Variants in CREBL2 observed in about 807,000 individuals in gnomAD.
The protein encoded by CREBL2 is cAMP responsive element binding protein like 2.
A neutral mutation model predicts 19.5 loss-of-function variants in CREBL2; 4 were observed. The ratio of observed to expected loss-of-function variants is 0.20; its 90% CI spans 0.10 to 0.47. The LOEUF (loss-of-function observed/expected upper bound fraction) is 0.47, where lower values mean the gene tolerates loss of function less well. CREBL2 is among the 20% of genes least tolerant of loss of function. CREBL2 has a pLI of 0.98. For missense variants in CREBL2, 85 were observed against 145.1 expected (o/e 0.59, Z 2.13); for synonymous variants, 42 against 46.6 (o/e 0.90, Z 0.40).
At chr12:12,618,263 C>T (rs75873714) in intron 1 of CREBL2, among the ~76,000 whole-genome samples, 47,695 of 149,936 alleles carry the variant, frequency 0.32, 7,665 homozygotes, top group East Asian at 0.4. Flanking sequence ...AGACGCTCCT[C>T]ACTTCCCAGA....
At position 12,621,505 on chromosome 12, in the gene CREBL2, C is replaced by T. The variant is rs1465508423; in HGVS notation, c.15+9318C>T. On this transcript the variant is annotated intron_variant, in intron 1 of 3. Transcript: ENST00000228865. ...TGCACTCCAGCCTGGGCAACAAGAGCAAAACTCCGTCTCAAACCAAAAAAA... is the reference window on the plus strand; with the variant it reads ...TGCACTCCAGCCTGGGCAACAAGAGTAAAACTCCGTCTCAAACCAAAAAAA... Among the ~76,000 whole-genome samples, 6 of 90,382 alleles carry T rather than the reference C, an allele frequency of 6.6e-5. No individual in the cohort carries two copies. The Admixed American group carries it at 7.6e-4, about 11-fold the overall frequency. The allele number at this position is 90,382 out of a possible 152,430, so 59.3% of individuals were successfully genotyped here.
rs1208788063 is a variant in CREBL2 at position 12,642,373 on chromosome 12, G to T, written c.*375G>T. 1 of 167,280 alleles carries T rather than the reference G, an allele frequency of 6.0e-6. No individual in the cohort carries two copies. Among genetic ancestry groups the T allele is most frequent in the African/African-American group, 2.4e-5 (1 of 42,082 alleles). 10.4% of individuals were successfully genotyped at this position (167,280 alleles called of 1,614,324 possible). A position where few individuals can be genotyped will look rare whatever the true frequency, so the allele number is the denominator to read the frequency against. On this transcript the variant is annotated 3_prime_UTR_variant, in exon 4 of 4. Coordinates refer to ENST00000228865, the MANE Select transcript of CREBL2 (RefSeq NM_001310.4). Reference sequence around the variant, plus strand: ...ATGTAATTCATGTAATTGTATGTCTGTGTGTGTTTTATGTGTCACCACCTT... The same window carrying T: ...ATGTAATTCATGTAATTGTATGTCTTTGTGTGTTTTATGTGTCACCACCTT...
intron 1 of CREBL2, among the ~76,000 whole-genome samples, chr12:12,620,859 A>G (rs1945353527): frequency 6.6e-6 from 1 of 152,222 alleles, no homozygotes; most frequent in Non-Finnish European, 1.5e-5. Flanking sequence ...GCAGACAAAT[A>G]GAAAAGTAAT....
At position 12,642,038 on chromosome 12, in the gene CREBL2, C is replaced by G. The variant is rs758113879; in HGVS notation, c.*40C>G. ...TGAGTCAGTGATTGAAGCCAATATT[C>G]TGATTCCCATGGAAGATGGATGGGC... On this transcript the variant is annotated 3_prime_UTR_variant, in exon 4 of 4. Coordinates refer to ENST00000228865, the MANE Select transcript of CREBL2 (RefSeq NM_001310.4). 1 of 1,527,220 alleles carries G rather than the reference C, an allele frequency of 6.5e-7. No homozygotes were observed. The highest frequency in any genetic ancestry group is 9.0e-7 in the Non-Finnish European group (1 of 1,111,394). 94.6% of individuals were successfully genotyped at this position (1,527,220 alleles called of 1,614,324 possible). A position where few individuals can be genotyped will look rare whatever the true frequency, so the allele number is the denominator to read the frequency against.
At chr12:12,621,523 C>CAAAAAAAA (rs61201510) in intron 1 of CREBL2, among the ~76,000 whole-genome samples, 2 of 64,888 alleles carry the variant, frequency 3.1e-5, no homozygotes, top group Non-Finnish European at 6.6e-5. Context: ...CGTCTCAAAC[C>CAAAAAAAA]AAAAAAAAAA....
Position 12,612,204 on chromosome 12 carries a change from G to T in CREBL2, c.15+17G>T, listed in dbSNP as rs192915069. 62 of 1,613,446 alleles carry T rather than the reference G, an allele frequency of 3.8e-5. 1 individual carries two copies. The East Asian group carries it at 1.4e-3, about 35-fold the overall frequency. ...GACAGTAAGGTAAGTCTTGTGGTTTGCACGCGCCGCCGCCTTCTTGTCGCT... is the reference window on the plus strand; with the variant it reads ...GACAGTAAGGTAAGTCTTGTGGTTTTCACGCGCCGCCGCCTTCTTGTCGCT... On this transcript the variant is annotated intron_variant, in intron 1 of 3. Coordinates refer to ENST00000228865, the MANE Select transcript of CREBL2 (RefSeq NM_001310.4).
At chr12:12,616,506 GTC>G (rs1352339382) in intron 1 of CREBL2, among the ~76,000 whole-genome samples, 1 of 152,164 alleles carries the variant, frequency 6.6e-6, no homozygotes, top group East Asian at 1.9e-4. Context: ...TCATTTAAAT[GTC>G]TCTGGATGGA....
At chr12:12,630,375 T>A (rs919592253) in intron 1 of CREBL2, among the ~76,000 whole-genome samples, 1 of 152,144 alleles carries the variant, frequency 6.6e-6, no homozygotes, top group African/African-American at 2.4e-5. Flanking sequence ...GGTTATCTAG[T>A]TTTTTTGGCA....
chr12:12,634,930 A>T (rs1945463407), intron 1 of CREBL2, among the ~76,000 whole-genome samples: 1 of 149,906 alleles, frequency 6.7e-6, no homozygotes, highest in South Asian at 2.1e-4. Context: ...AGGCATGGTG[A>T]TGCTCACCTG....
chr12:12,627,945 T>C (rs1945415028), intron 1 of CREBL2, among the ~76,000 whole-genome samples: 1 of 152,148 alleles, frequency 6.6e-6, no homozygotes, highest in Non-Finnish European at 1.5e-5. Context: ...AGTGGTGCAA[T>C]CTCGGCTCAC....
chr12:12,637,382 C>T (rs1945482875), intron 2 of CREBL2, among the ~76,000 whole-genome samples, 188 bp from the exon 3 acceptor site: 2 of 152,204 alleles, frequency 1.3e-5, no homozygotes, highest in African/African-American at 4.8e-5. Context: ...TGGCAGATCT[C>T]GTACATGTCC....
At chr12:12,635,374 A>T (rs1363145455) in intron 1 of CREBL2, among the ~76,000 whole-genome samples, 1 of 151,948 alleles carries the variant, frequency 6.6e-6, no homozygotes, top group African/African-American at 2.4e-5. Context: ...GTCTGGAAAA[A>T]AAAAAAAAAA....
intron 3 of CREBL2, 87 bp downstream of exon 3, chr12:12,637,801 G>T: frequency 7.2e-7 from 1 of 1,396,728 alleles, no homozygotes; most frequent in Admixed American, 2.2e-5. Context: ...AGCACTTTGG[G>T]AGGCCGAGGT....
At chr12:12,641,773 C>G (rs1945524113) in intron 3 of CREBL2, among the ~76,000 whole-genome samples, 1 of 152,072 alleles carries the variant, frequency 6.6e-6, no homozygotes, top group African/African-American at 2.4e-5. Flanking sequence ...ACCACTTCTA[C>G]CCCAAAAGCT....
At chr12:12,616,100 A>G (rs1945309745) in intron 1 of CREBL2, among the ~76,000 whole-genome samples, 1 of 152,140 alleles carries the variant, frequency 6.6e-6, no homozygotes, top group Non-Finnish European at 1.5e-5. Context: ...ACTGTTCTTT[A>G]TTTTTCCTAA....
intron 2 of CREBL2, 148 bp downstream of exon 2, chr12:12,636,122 G>A (rs1474722758): frequency 2.7e-6 from 2 of 728,532 alleles, no homozygotes; most frequent in African/African-American, 3.5e-5. Context: ...GGGCAAATAG[G>A]CATCTTCATA....
At chr12:12,614,862 T>G (rs1945297397) in intron 1 of CREBL2, 3 of 254,800 alleles carry the variant, frequency 1.2e-5, no homozygotes, top group African/African-American at 2.3e-5. Flanking sequence ...CATTAGTTTT[T>G]TTTTTTTTTT....
intron 1 of CREBL2, among the ~76,000 whole-genome samples, chr12:12,622,201 A>G (rs1365547834): frequency 6.6e-6 from 1 of 152,236 alleles, no homozygotes; most frequent in Admixed American, 6.5e-5. Context: ...ACTGAGTTCA[A>G]TAAATCCTGG....
chr12:12,627,908 C>T lies in CREBL2; in HGVS notation c.16-7869C>T, dbSNP rs141735617. Among the ~76,000 whole-genome samples the T allele has an allele frequency of 3.7e-4, 56 of 152,140 alleles. 2 individuals carry two copies. In the East Asian group the frequency reaches 0.01, roughly 27 times the overall value. On this transcript the variant is annotated intron_variant, in intron 1 of 3. Transcript: ENST00000228865. The stretch of plus-strand genomic sequence containing the variant: ...TTACTGGTTGTCTTTTTTTTTGAGA[C>T]GGAGTCTCACTTTGTTGCCAGGATG...
Sources: gnomAD v4.1 joint callset for allele counts (sites outside exome capture counted in the v4.1 genomes callset) on GRCh38, gnomAD v4.1.1 for gene constraint, MANE v1.5 for transcripts, NCBI Gene and HGNC (gene_info 2026-07-23, HGNC 2026-07-21) for gene names.